TESK2: variants seen among roughly 807,000 people sequenced by gnomAD.
The protein encoded by TESK2 is dual specificity testis-specific protein kinase 2.
In TESK2, 39 loss-of-function variants were observed where a neutral mutation model predicts 57.1. That is an observed-to-expected ratio of 0.68 (90% CI 0.53 to 0.89). TESK2 has a LOEUF of 0.89. Ranked by LOEUF, TESK2 falls within the 40% of genes least tolerant of loss-of-function variation. The pLI, the probability that TESK2 is intolerant of heterozygous loss-of-function variation, is 0.00. For missense variants in TESK2, 646 were observed against 732.1 expected, an observed-to-expected ratio of 0.88 and a Z score of 1.36; for synonymous variants, 249 against 267.9, an observed-to-expected ratio of 0.93 and a Z score of 0.69.
At chr1:45,424,057 C>T (rs12061890) in intron 2 of TESK2, among the ~76,000 whole-genome samples, 1,597 of 152,256 alleles carry the variant, frequency 0.01, 21 homozygotes, top group African/African-American at 0.033. Flanking sequence ...CATTTCATAT[C>T]TTGCACAACA....
rs796988550 is a variant in TESK2, at chr1:45,407,143, C to T, written c.344+14582G>A. On this transcript the variant is annotated intron_variant, in intron 3 of 10. Coordinates refer to ENST00000372086, the MANE Select transcript of TESK2 (RefSeq NM_007170.3). Reference sequence around the variant, plus strand: ...CTCTGTCACACAGGCTAGAGTGCAGCGGTGTGATTACAGCTCACTGAAACC... The same window carrying T: ...CTCTGTCACACAGGCTAGAGTGCAGTGGTGTGATTACAGCTCACTGAAACC... Among the ~76,000 whole-genome samples, 40 of 152,220 alleles carry T rather than the reference C, an allele frequency of 2.6e-4. 1 individual carries two copies. The highest frequency in any genetic ancestry group is 9.6e-4 in the African/African-American group (40 of 41,540).
chr1:45,457,585 G>C lies in TESK2; in HGVS notation c.201C>G (p.Gly67=), dbSNP rs1180716457. 6.2e-7 allele frequency: 1 copy of C among 1,613,878 alleles called. No individual in the cohort carries two copies. The highest frequency in any genetic ancestry group is 8.5e-7 in the Non-Finnish European group (1 of 1,179,978). The part of the protein sequence containing the change: ...DDFTCEKIGS[G]FFSEVFKVRH... ...TCACCTTGAACACTTCAGAAAAGAA[G>C]CCAGACCCTATTTTTTCACAGGTGA... Residue 67 remains glycine (G), a synonymous_variant, in exon 2 of 11, where the codon GGC becomes GGG. Coordinates refer to ENST00000372086, the MANE Select transcript of TESK2 (RefSeq NM_007170.3).
chr1:45,416,725 C>T (rs1400968565), intron 3 of TESK2, among the ~76,000 whole-genome samples: 2 of 151,900 alleles, frequency 1.3e-5, no homozygotes, highest in Non-Finnish European at 1.5e-5. Flanking sequence ...ACCAACTTCC[C>T]CCTATTTCCT....
At chr1:45,451,686 T>C (rs540955214) in intron 2 of TESK2, among the ~76,000 whole-genome samples, 351 of 152,212 alleles carry the variant, frequency 2.3e-3, no homozygotes, top group African/African-American at 7.8e-3. Context: ...GGCTCGACAT[T>C]TGTGGAGGTG....
intron 4 of TESK2, among the ~76,000 whole-genome samples, chr1:45,355,884 A>G (rs146031996): frequency 1.9e-3 from 282 of 152,298 alleles, no homozygotes; most frequent in South Asian, 3.5e-3. Flanking sequence ...TCAGGAACTT[A>G]ATTTACTTCG....
chr1:45,402,820 T>C (rs145569634), intron 3 of TESK2, among the ~76,000 whole-genome samples: 1 of 152,226 alleles, frequency 6.6e-6, no homozygotes, highest in East Asian at 1.9e-4. Context: ...AGAATTTTTA[T>C]CTAATTTCCT....
At chr1:45,452,093 T>G (rs1037631333) in intron 2 of TESK2, among the ~76,000 whole-genome samples, 4 of 150,408 alleles carry the variant, frequency 2.7e-5, no homozygotes, top group African/African-American at 4.9e-5. Flanking sequence ...TCTAATCTGG[T>G]TTTTTTTTGG....
chr1:45,416,426 C>A (rs1476912443), intron 3 of TESK2, among the ~76,000 whole-genome samples: 1 of 151,592 alleles, frequency 6.6e-6, no homozygotes, highest in African/African-American at 2.4e-5. Context: ...GGTGTGGGCA[C>A]ACCCAACCTA....
At chr1:45,487,448 G>T (rs1002331901) in intron 1 of TESK2, among the ~76,000 whole-genome samples, 3 of 152,134 alleles carry the variant, frequency 2.0e-5, no homozygotes, top group African/African-American at 7.2e-5. Flanking sequence ...CATTCATATT[G>T]ATGACATATT....
intron 2 of TESK2, among the ~76,000 whole-genome samples, chr1:45,448,813 T>A (rs997982338): frequency 6.6e-6 from 1 of 152,038 alleles, no homozygotes; most frequent in Non-Finnish European, 1.5e-5. Flanking sequence ...TATTTGAAAA[T>A]TAAAATAACA....
intron 9 of TESK2, 24 bp from the exon 10 acceptor site, chr1:45,346,018 G>T: frequency 6.4e-7 from 1 of 1,561,938 alleles, no homozygotes; most frequent in South Asian, 1.1e-5. Context: ...CAACAGCCAT[G>T]AGCTCTGCCC....
At chr1:45,358,006 T>TCA (rs1647513111) in intron 4 of TESK2, among the ~76,000 whole-genome samples, 1 of 24,234 alleles carries the variant, frequency 4.1e-5, no homozygotes, top group African/African-American at 1.5e-4. Context: ...AAACTCCGTC[T>TCA]AAAAAAAAAA....
At position 45,345,212 on chromosome 1, in the gene TESK2, GGCCAGGGGCTCCTGCCAGTCA is replaced by G. The variant is rs764192353; in HGVS notation, c.1323_1343del (p.Asp442_Ala448del). ...AGGAACGCCACCGGCGAATAGGTGG[GGCCAGGGGCTCCTGCCAGTCA>G]GCCAGGGGCATAGTTCCGGGCCCTG... On this transcript the variant is annotated inframe_deletion, in exon 11 of 11. Coordinates refer to ENST00000372086, the MANE Select transcript of TESK2 (RefSeq NM_007170.3). 3 of 1,614,084 alleles carry G rather than the reference GGCCAGGGGCTCCTGCCAGTCA, an allele frequency of 1.9e-6. No individual in the cohort carries two copies. In the African/African-American group the frequency reaches 4.0e-5, roughly 22 times the overall value.
At chr1:45,444,277 G>A (rs1273627557) in intron 2 of TESK2, among the ~76,000 whole-genome samples, 1 of 151,614 alleles carries the variant, frequency 6.6e-6, no homozygotes, top group African/African-American at 2.4e-5. Flanking sequence ...TAAAACTTTG[G>A]TCCAAGGGCT....
At chr1:45,432,795 G>A (rs564183973) in intron 2 of TESK2, among the ~76,000 whole-genome samples, 1 of 101,064 alleles carries the variant, frequency 9.9e-6, no homozygotes, top group Non-Finnish European at 1.8e-5. Flanking sequence ...ATGGAGTTTC[G>A]CTCTGTCACC....
chr1:45,476,576 G>C (rs556857632), intron 1 of TESK2, among the ~76,000 whole-genome samples: 133 of 149,804 alleles, frequency 8.9e-4, no homozygotes, highest in Non-Finnish European at 1.6e-3. Context: ...AGCCAGGCGC[G>C]GTGGCTCACA....
At position 45,435,821 on chromosome 1, in the gene TESK2, A is replaced by G. The variant is rs74462389; in HGVS notation, c.223-13975T>C. Among the ~76,000 whole-genome samples, 85 of 151,788 alleles carry G rather than the reference A, an allele frequency of 5.6e-4. No homozygotes were observed. In the East Asian group the frequency reaches 0.013, roughly 23 times the overall value. On this transcript the variant is annotated intron_variant, in intron 2 of 10. Coordinates refer to ENST00000372086, the MANE Select transcript of TESK2 (RefSeq NM_007170.3). ...GTGACTGGATTTGACTTTTGTATAT[A>G]GTAAGAGATGGAGATCCAGTTTCAT...
intron 1 of TESK2, among the ~76,000 whole-genome samples, chr1:45,462,343 G>A (rs889429554): frequency 1.5e-4 from 22 of 151,660 alleles, no homozygotes; most frequent in Non-Finnish European, 5.9e-5. Flanking sequence ...CGTGATCTCC[G>A]CTCACTGCAA....
chr1:45,467,463 G>T (rs1460527599), intron 1 of TESK2, among the ~76,000 whole-genome samples: 1 of 151,556 alleles, frequency 6.6e-6, no homozygotes, highest in East Asian at 1.9e-4. Context: ...CCCTGCCTCA[G>T]CCTCCCTAGA....
Sources: allele counts gnomAD v4.1 joint callset (sites outside exome capture counted in the v4.1 genomes callset), GRCh38; gene constraint gnomAD v4.1.1; transcripts MANE v1.5; gene names NCBI Gene and HGNC (gene_info 2026-07-23, HGNC 2026-07-21).